The following SEC11A variants were observed in gnomAD, a reference collection of about 807,000 sequenced individuals.
The protein encoded by SEC11A is signal peptidase complex catalytic subunit SEC11A.
Under a neutral mutation model 25.6 loss-of-function variants are expected in SEC11A, and 14 were observed. The observed-to-expected ratio is 0.55, with a 90% CI of 0.36 to 0.85. SEC11A has a LOEUF of 0.85. Among genes scored for constraint, SEC11A ranks in the 40% least tolerant of loss-of-function variants. The pLI is 0.01. For missense variants in SEC11A, 153 were observed against 222.9 expected (o/e 0.69, Z 2.00); for synonymous variants, 83 against 76.4 (o/e 1.09, Z -0.45).
At chr15:84,706,941 C>A (rs1898111930) in intron 1 of SEC11A, among the ~76,000 whole-genome samples, 1 of 152,164 alleles carries the variant, frequency 6.6e-6, no homozygotes, top group African/African-American at 2.4e-5. Flanking sequence ...GAATTCAGCT[C>A]TTCTGGCTGA....
At chr15:84,679,282 G>A (rs1374626516) in intron 4 of SEC11A, 3 of 1,256,652 alleles carry the variant, frequency 2.4e-6, no homozygotes, top group Non-Finnish European at 3.1e-6. Flanking sequence ...CAGAAGCACT[G>A]ATGACCTAAT....
intron 3 of SEC11A, among the ~76,000 whole-genome samples, chr15:84,681,257 G>A (rs977986427): frequency 2.0e-5 from 3 of 151,822 alleles, no homozygotes; most frequent in Non-Finnish European, 2.9e-5. Context: ...TACAGACTAT[G>A]GGAAACTACA....
intron 1 of SEC11A, among the ~76,000 whole-genome samples, chr15:84,698,867 T>TA (rs894539082): frequency 7.0e-4 from 105 of 150,266 alleles, no homozygotes; most frequent in African/African-American, 2.3e-3. Flanking sequence ...TATTCCAAAA[T>TA]AAAAAAAAAG....
chr15:84,691,617 T>C lies in SEC11A; in HGVS notation c.79A>G (p.Met27Val). 6.2e-7 allele frequency: 1 copy of C among 1,611,994 alleles called. No homozygotes were observed. Among genetic ancestry groups the C allele is most frequent in the Non-Finnish European group, 8.5e-7 (1 of 1,178,218 alleles). ...ATCATTAGTGCCGATGAGACAATCA[T>C]TCCAAAATTTAGGACTTGATAATAG... ...QLYYQVLNFG[M>V]IVSSALMIWK... Residue 27 changes from methionine to valine, a missense_variant, in exon 2 of 6, where the codon ATG (methionine) becomes GTG (valine). Physicochemically the swap from Met to Val is conservative, Grantham distance 21. Transcript: ENST00000268220.
intron 1 of SEC11A, among the ~76,000 whole-genome samples, chr15:84,693,155 C>T (rs763665359): frequency 6.6e-6 from 1 of 152,122 alleles, no homozygotes; most frequent in Non-Finnish European, 1.5e-5. Flanking sequence ...GGACATTCTA[C>T]ACAACTGTCC....
At chr15:84,694,776 G>A (rs1341327050) in intron 1 of SEC11A, among the ~76,000 whole-genome samples, 2 of 151,434 alleles carry the variant, frequency 1.3e-5, no homozygotes, top group Non-Finnish European at 2.9e-5. Context: ...CAGAAAGCAA[G>A]ACCTTTATCT....
intron 1 of SEC11A, among the ~76,000 whole-genome samples, chr15:84,707,406 G>A (rs1898128496): frequency 6.6e-6 from 1 of 151,954 alleles, no homozygotes; most frequent in Admixed American, 6.6e-5. Flanking sequence ...GGATGGTCTC[G>A]ATCTCTTGGC....
intron 1 of SEC11A, among the ~76,000 whole-genome samples, chr15:84,700,567 C>A (rs1422698629): frequency 1.8e-5 from 2 of 109,268 alleles, no homozygotes; most frequent in Non-Finnish European, 3.4e-5. Flanking sequence ...GCATTCGAGC[C>A]TGGGTGACAG....
intron 1 of SEC11A, among the ~76,000 whole-genome samples, chr15:84,714,256 C>T (rs912475403): frequency 4.6e-5 from 7 of 152,208 alleles, no homozygotes; most frequent in African/African-American, 1.2e-4. Context: ...CATTGTGATC[C>T]GCCTGCCTCA....
At chr15:84,713,655 A>G (rs1898360176) in intron 1 of SEC11A, among the ~76,000 whole-genome samples, 1 of 152,232 alleles carries the variant, frequency 6.6e-6, no homozygotes, top group South Asian at 2.1e-4. Context: ...CACAGGGCAG[A>G]GTAGCCTATT....
At chr15:84,703,850 C>T (rs1898020103) in intron 1 of SEC11A, among the ~76,000 whole-genome samples, 1 of 152,190 alleles carries the variant, frequency 6.6e-6, no homozygotes, top group African/African-American at 2.4e-5. Context: ...TATAAGTGCT[C>T]ATCACAGAAT....
At chr15:84,680,451 T>C (rs1283644203) in intron 4 of SEC11A, among the ~76,000 whole-genome samples, 1 of 152,214 alleles carries the variant, frequency 6.6e-6, no homozygotes, top group African/African-American at 2.4e-5. Context: ...AACACATTTT[T>C]TAAAATTGTC....
At chr15:84,703,773 T>G (rs1898016766) in intron 1 of SEC11A, among the ~76,000 whole-genome samples, 2 of 152,322 alleles carry the variant, frequency 1.3e-5, no homozygotes, top group Admixed American at 1.3e-4. Flanking sequence ...ACAAGAAGTC[T>G]GAGGAAGAGA....
intron 1 of SEC11A, among the ~76,000 whole-genome samples, chr15:84,699,046 G>A (rs1897846856): frequency 6.6e-6 from 1 of 152,072 alleles, no homozygotes; most frequent in Admixed American, 6.6e-5. Context: ...CAGGAGTGGT[G>A]GCTCATGCCT....
chr15:84,674,708 G>A lies in SEC11A; in HGVS notation c.432-3926C>T, dbSNP rs146833642. On this transcript the variant is annotated intron_variant, in intron 4 of 5. Transcript: ENST00000268220. ...CAAGGAGCTGGGACTACAAGTGCAC[G>A]CCACCATGCCTGGCTAATTTTTAAA... Among the ~76,000 whole-genome samples the A allele has an allele frequency of 4.9e-4, 75 of 152,126 alleles. No homozygotes were observed. The East Asian group carries it at 0.013, about 27-fold the overall frequency.
chr15:84,677,742 G>T (rs1897177298), intron 4 of SEC11A, among the ~76,000 whole-genome samples: 1 of 152,040 alleles, frequency 6.6e-6, no homozygotes, highest in African/African-American at 2.4e-5. Context: ...CAAAGTGCTG[G>T]GATTGCAGGC....
intron 1 of SEC11A, among the ~76,000 whole-genome samples, chr15:84,702,745 T>A (rs763241392): frequency 1.3e-4 from 20 of 152,266 alleles, no homozygotes; most frequent in Non-Finnish European, 2.1e-4. Context: ...ATAATTTGAA[T>A]TTATGGATTT....
intron 1 of SEC11A, among the ~76,000 whole-genome samples, chr15:84,703,914 G>C (rs935957004): frequency 1.3e-5 from 2 of 152,140 alleles, no homozygotes; most frequent in African/African-American, 2.4e-5. Context: ...TTCTTCTGTG[G>C]ATGTCAGTCA....
chr15:84,682,729 G>A (rs1387101124), intron 3 of SEC11A, among the ~76,000 whole-genome samples: 2 of 152,122 alleles, frequency 1.3e-5, no homozygotes, highest in African/African-American at 2.4e-5. Context: ...GATTACAGGC[G>A]TGAGCCACCG....
Sources: allele counts gnomAD v4.1 joint callset (sites outside exome capture counted in the v4.1 genomes callset), GRCh38; gene constraint gnomAD v4.1.1; transcripts MANE v1.5; gene names NCBI Gene and HGNC (gene_info 2026-07-23, HGNC 2026-07-21).